The following CA8 variants were observed in gnomAD, a reference collection of about 807,000 sequenced individuals.
The protein encoded by CA8 is carbonic anhydrase-related protein.
Under a neutral mutation model 41.4 loss-of-function variants are expected in CA8, and 22 were observed. The ratio of observed to expected loss-of-function variants is 0.53; its 90% CI spans 0.38 to 0.76. The LOEUF is 0.76. CA8 is among the 30% of genes least tolerant of loss of function. The probability of loss-of-function intolerance (pLI) is 0.00; values close to 1 mark genes in which losing one functional copy is unlikely to be tolerated. For missense variants in CA8, 270 were observed against 352.8 expected (o/e 0.77, Z 1.88); for synonymous variants, 121 against 130.6 (o/e 0.93, Z 0.50).
chr8:60,200,703 C>T (rs762923162), intron 8 of CA8, among the ~76,000 whole-genome samples: 2 of 150,778 alleles, frequency 1.3e-5, no homozygotes, highest in East Asian at 3.9e-4. Context: ...GCCAATAATA[C>T]TACCTTATTT....
intron 2 of CA8, among the ~76,000 whole-genome samples, chr8:60,278,659 A>T (rs1008752185): frequency 2.0e-5 from 3 of 152,248 alleles, no homozygotes; most frequent in African/African-American, 7.2e-5. Flanking sequence ...GGCAATGCTC[A>T]CATGCTGACT....
chr8:60,229,361 G>T (rs993145899), intron 4 of CA8, among the ~76,000 whole-genome samples: 2 of 152,166 alleles, frequency 1.3e-5, no homozygotes, highest in African/African-American at 4.8e-5. Flanking sequence ...ACAGACTGGG[G>T]TCCATGGTCA....
chr8:60,223,817 G>A (rs1807331938), intron 6 of CA8, among the ~76,000 whole-genome samples: 2 of 152,138 alleles, frequency 1.3e-5, no homozygotes, highest in African/African-American at 4.8e-5. Context: ...GCATCAACTG[G>A]TTTTGTTTAA....
At chr8:60,251,023 A>G (rs1468880009) in intron 3 of CA8, among the ~76,000 whole-genome samples, 1 of 152,230 alleles carries the variant, frequency 6.6e-6, no homozygotes, top group Non-Finnish European at 1.5e-5. Flanking sequence ...ATATATATTT[A>G]TATGCCATTA....
chr8:60,268,203 G>T (rs1422696378), intron 2 of CA8, among the ~76,000 whole-genome samples: 1 of 152,128 alleles, frequency 6.6e-6, no homozygotes, highest in Non-Finnish European at 1.5e-5. Context: ...CGTGGCTAAG[G>T]AAAAAGAAAG....
At chr8:60,218,580 C>A (rs889744397) in intron 7 of CA8, among the ~76,000 whole-genome samples, 2 of 152,170 alleles carry the variant, frequency 1.3e-5, no homozygotes, top group African/African-American at 4.8e-5. Flanking sequence ...TACCTTACTA[C>A]ATCAATACAC....
chr8:60,243,353 T>C (rs1031889375), intron 3 of CA8, among the ~76,000 whole-genome samples: 3 of 151,646 alleles, frequency 2.0e-5, no homozygotes, highest in Non-Finnish European at 2.9e-5. Context: ...ATCCACCAGC[T>C]CTTTTCTGAG....
intron 8 of CA8, among the ~76,000 whole-genome samples, chr8:60,196,974 G>A (rs956490145): frequency 6.6e-6 from 1 of 152,114 alleles, no homozygotes; most frequent in Non-Finnish European, 1.5e-5. Context: ...TATAATGTAA[G>A]GAGCCATTTT....
At chr8:60,223,882 A>G (rs1042638856) in intron 6 of CA8, among the ~76,000 whole-genome samples, 6 of 152,238 alleles carry the variant, frequency 3.9e-5, no homozygotes, top group Admixed American at 3.3e-4. Flanking sequence ...TCAAAATTTT[A>G]TATACAACAA....
intron 3 of CA8, among the ~76,000 whole-genome samples, chr8:60,238,287 G>A (rs533778909): frequency 3.4e-4 from 52 of 152,210 alleles, no homozygotes; most frequent in African/African-American, 1.1e-3. Context: ...TAAATAATAC[G>A]ACGGCAGCAA....
chr8:60,240,100 C>G (rs1807970087), intron 3 of CA8, among the ~76,000 whole-genome samples: 1 of 152,112 alleles, frequency 6.6e-6, no homozygotes, highest in African/African-American at 2.4e-5. Context: ...GAGGGACTAT[C>G]AAATATGCAA....
chr8:60,206,616 C>G (rs1806592478), intron 8 of CA8, among the ~76,000 whole-genome samples: 1 of 125,374 alleles, frequency 8.0e-6, no homozygotes, highest in East Asian at 2.0e-4. Context: ...ATCCTTCCCT[C>G]TTCCTCTGCT....
At chr8:60,277,754 G>T (rs921692150) in intron 2 of CA8, among the ~76,000 whole-genome samples, 1 of 152,182 alleles carries the variant, frequency 6.6e-6, no homozygotes. Context: ...GTTCCTCTGA[G>T]GAGCTTAAAT....
chr8:60,237,793 G>C (rs1370284397), intron 3 of CA8, among the ~76,000 whole-genome samples: 1 of 152,222 alleles, frequency 6.6e-6, no homozygotes, highest in African/African-American at 2.4e-5. Context: ...GGGCACCTCA[G>C]GGTAGAAGAA....
intron 6 of CA8, 146 bp from the exon 7 acceptor site, chr8:60,222,907 T>TA: frequency 1.5e-6 from 1 of 689,214 alleles, no homozygotes; most frequent in East Asian, 2.7e-5. Flanking sequence ...CCCACAGTCT[T>TA]ACACTACTCA....
intron 8 of CA8, among the ~76,000 whole-genome samples, chr8:60,205,316 C>A (rs1415054015): frequency 6.6e-6 from 1 of 152,108 alleles, no homozygotes. Context: ...ATTTAGGTCA[C>A]AAGCGAGACA....
intron 4 of CA8, among the ~76,000 whole-genome samples, chr8:60,229,434 G>A (rs112592824): frequency 1.1e-3 from 161 of 152,172 alleles, no homozygotes; most frequent in Non-Finnish European, 1.8e-3. Context: ...CCTCCCGAGG[G>A]GACCATCTTC....
At chr8:60,233,149 T>C (rs992799710) in intron 3 of CA8, among the ~76,000 whole-genome samples, 1 of 152,246 alleles carries the variant, frequency 6.6e-6, no homozygotes. Flanking sequence ...GTTCCTAGTA[T>C]AATAGTAGGT....
intron 3 of CA8, among the ~76,000 whole-genome samples, chr8:60,239,504 G>A (rs1387400531): frequency 6.6e-6 from 1 of 152,148 alleles, no homozygotes; most frequent in African/African-American, 2.4e-5. Flanking sequence ...AAAAACAATT[G>A]CAAGAAAATC....
Sources: allele counts gnomAD v4.1 joint callset (sites outside exome capture counted in the v4.1 genomes callset), GRCh38; gene constraint gnomAD v4.1.1; transcripts MANE v1.5; gene names NCBI Gene and HGNC (gene_info 2026-07-23, HGNC 2026-07-21).